PLEKHA2: variants seen among roughly 807,000 people sequenced by gnomAD.
PLEKHA2 encodes the protein pleckstrin homology domain containing A2.
Under a neutral mutation model 53.2 loss-of-function variants are expected in PLEKHA2, and 28 were observed. The observed-to-expected ratio is 0.53, with a 90% confidence interval of 0.39 to 0.72. The LOEUF (loss-of-function observed/expected upper bound fraction) is 0.72, where lower values mean the gene tolerates loss of function less well. PLEKHA2 is among the 30% of genes least tolerant of loss of function. The probability of loss-of-function intolerance (pLI) is 0.00; values close to 1 mark genes in which losing one functional copy is unlikely to be tolerated. For synonymous variants in PLEKHA2, 193 were observed against 196.4 expected (o/e 0.98, Z 0.14); for missense variants, 426 against 537.9 (o/e 0.79, Z 2.06).
intron 2 of PLEKHA2, among the ~76,000 whole-genome samples, chr8:38,928,078 A>AG (rs1564119814): frequency 6.6e-6 from 1 of 151,896 alleles, no homozygotes; most frequent in Non-Finnish European, 1.5e-5. Context: ...TAGAAAGTGG[A>AG]GGGGAAATGA....
chr8:38,935,430 C>CTT (rs879723172), intron 2 of PLEKHA2, among the ~76,000 whole-genome samples: 21 of 141,748 alleles, frequency 1.5e-4, no homozygotes, highest in Middle Eastern at 3.6e-3. Flanking sequence ...GGAGCTTACA[C>CTT]TTTTTTTTTT....
In PLEKHA2 at chr8:38,917,977, C is replaced by T. The variant is rs747475749; in HGVS notation, c.48C>T (p.Ile16=). Residue 16 remains isoleucine, a synonymous_variant, in exon 2 of 12, where the codon ATC becomes ATT. Transcript: ENST00000617275. ...ACCGAATCTGTGGGTTTCTGGACAT[C>T]GAGGAGCATGAGAACAGCGGCAAGT... ...RQNRICGFLD[I]EEHENSGKFL... is the part of the protein sequence containing the mutation. The T allele has an allele frequency of 2.5e-6, 4 of 1,613,474 alleles. No individual in the cohort carries two copies. Among genetic ancestry groups the T allele is most frequent in the African/African-American group, 2.7e-5 (2 of 74,826 alleles).
intron 11 of PLEKHA2, chr8:38,968,902 T>C (rs1221343436): frequency 7.7e-6 from 3 of 387,534 alleles, no homozygotes; most frequent in Non-Finnish European, 1.4e-5. Context: ...GAATTTCTTT[T>C]TTTTTTTTTT....
chr8:38,921,089 C>A (rs994912467), intron 2 of PLEKHA2, among the ~76,000 whole-genome samples: 8 of 152,238 alleles, frequency 5.3e-5, no homozygotes, highest in Non-Finnish European at 1.2e-4. Context: ...GCATGAGCCA[C>A]TGCGACTGGC....
chr8:38,940,445 G>A (rs1588257864), intron 3 of PLEKHA2, among the ~76,000 whole-genome samples: 1 of 152,088 alleles, frequency 6.6e-6, no homozygotes, highest in Non-Finnish European at 1.5e-5. Flanking sequence ...TGAGATTGGT[G>A]GGTTCTGAGG....
intron 10 of PLEKHA2, among the ~76,000 whole-genome samples, chr8:38,962,744 G>A (rs919918227): frequency 1.3e-5 from 2 of 152,226 alleles, no homozygotes; most frequent in African/African-American, 4.8e-5. Context: ...ACTGGTCTTA[G>A]CTTGGCATAA....
intron 5 of PLEKHA2, 151 bp from the exon 6 acceptor site, chr8:38,950,699 G>T (rs34794075): frequency 1.1e-6 from 1 of 889,902 alleles, no homozygotes; most frequent in Non-Finnish European, 1.7e-6. Flanking sequence ...CTCATATTCA[G>T]ATTTGGACTG....
At position 38,936,008 on chromosome 8, in the gene PLEKHA2, G is replaced by A; in HGVS notation, c.156G>A (p.Gly52=). Residue 52 remains glycine, a synonymous_variant, in exon 3 of 12, where the codon GGG becomes GGA. Coordinates refer to ENST00000617275, the MANE Select transcript of PLEKHA2 (RefSeq NM_021623.2). ...GTGTCTTTCAGAATCTGGCAATGGG[G>A]GCAGGAGCTGTTGGAGCTTTGCAGC... ...YMDNPQNLAM[G]AGAVGALQLT... 1 of 1,613,608 alleles carries A rather than the reference G, an allele frequency of 6.2e-7. No homozygotes were observed. Among genetic ancestry groups the A allele is most frequent in the Non-Finnish European group, 8.5e-7 (1 of 1,179,600 alleles).
At chr8:38,946,095 TCTTC>T in intron 4 of PLEKHA2, 25 bp from the exon 5 acceptor site, 17 of 1,547,338 alleles carry the variant, frequency 1.1e-5, no homozygotes, top group Non-Finnish European at 1.5e-5. Context: ...CCTAGGAATG[TCTTC>T]CCTTCTTTTC....
chr8:38,935,979 C>CTATG lies in PLEKHA2; in HGVS notation c.142-13_142-10dup, dbSNP rs375172533. ...TTCCACAGCCTTCTTAAAATGAAAA[C>CTATG]TATGTGTCTTTCAGAATCTGGCAAT... is the stretch of plus-strand genomic sequence containing the variant. On this transcript the variant is annotated splice_polypyrimidine_tract_variant and intron_variant, in intron 2 of 11. Coordinates refer to ENST00000617275, the MANE Select transcript of PLEKHA2 (RefSeq NM_021623.2). The CTATG allele has an allele frequency of 5.5e-5, 89 of 1,612,776 alleles. No homozygotes were observed. The African/African-American group carries it at 1.1e-3, about 20-fold the overall frequency.
chr8:38,968,707 G>A (rs750809362), intron 11 of PLEKHA2, 38 bp downstream of exon 11: 2 of 1,604,026 alleles, frequency 1.2e-6, no homozygotes, highest in African/African-American at 2.7e-5. Flanking sequence ...TGTCAACTCA[G>A]AGATGAATTC....
intron 2 of PLEKHA2, among the ~76,000 whole-genome samples, chr8:38,931,950 G>C (rs931015932): frequency 3.9e-5 from 6 of 152,142 alleles, no homozygotes; most frequent in Admixed American, 2.6e-4. Flanking sequence ...GTGTTCTGGT[G>C]GGGGGAAGCT....
chr8:38,918,641 C>T (rs369136010), intron 2 of PLEKHA2, among the ~76,000 whole-genome samples: 6 of 97,120 alleles, frequency 6.2e-5, no homozygotes, highest in South Asian at 3.6e-4. Context: ...CACACAGAGA[C>T]ACACATACAC....
At chr8:38,923,531 T>G (rs565978707) in intron 2 of PLEKHA2, among the ~76,000 whole-genome samples, 56 of 152,344 alleles carry the variant, frequency 3.7e-4, no homozygotes, top group Middle Eastern at 3.4e-3. Context: ...ACGTGCCTTT[T>G]ATCCTTTCAT....
chr8:38,937,313 C>T (rs116087936), intron 3 of PLEKHA2, among the ~76,000 whole-genome samples: 4 of 152,170 alleles, frequency 2.6e-5, no homozygotes, highest in Non-Finnish European at 4.4e-5. Flanking sequence ...GCTGCCTCCC[C>T]GGGCCAGAGC....
chr8:38,965,020 G>T (rs1023289164), intron 10 of PLEKHA2, among the ~76,000 whole-genome samples: 1 of 151,698 alleles, frequency 6.6e-6, no homozygotes, highest in African/African-American at 2.4e-5. Flanking sequence ...GTATCCAGCC[G>T]ATTTTAATTT....
Position 38,952,273 on chromosome 8 carries a change from C to T in PLEKHA2, c.594C>T (p.Pro198=). 1.2e-6 allele frequency: 2 copies of T among 1,612,794 alleles called. No individual in the cohort carries two copies. Among genetic ancestry groups the T allele is most frequent in the Non-Finnish European group, 1.7e-6 (2 of 1,179,528 alleles). Residue 198 remains proline (P), a synonymous_variant, in exon 7 of 12, where the codon CCC becomes CCT. Coordinates refer to ENST00000617275, the MANE Select transcript of PLEKHA2 (RefSeq NM_021623.2). The part of the protein sequence containing the change: ...TSGCRASTGP[P]LIKSGYCVKQ... ...GCTGCCGTGCTTCCACTGGGCCTCC[C>T]CTCATTAAGAGTGGTTACTGCGTGA...
At chr8:38,905,445 G>A (rs1313954726) in intron 1 of PLEKHA2, among the ~76,000 whole-genome samples, 6 of 135,558 alleles carry the variant, frequency 4.4e-5, no homozygotes, top group African/African-American at 1.7e-4. Flanking sequence ...GCACCAGAGC[G>A]AGACCCTGCC....
At position 38,922,552 on chromosome 8, in the gene PLEKHA2, A is replaced by G. The variant is rs2152370290; in HGVS notation, c.141+4482A>G. On this transcript the variant is annotated intron_variant, in intron 2 of 11. Transcript: ENST00000617275. The surrounding 1 kb of genome is among the most constrained non-coding windows in gnomAD (Gnocchi z 4.0). ...TGAGAACTGTGTGTGGTCGTTGAACATCTTTATTTGATAGGGACAAGGAGA... is the reference window on the plus strand; with the variant it reads ...TGAGAACTGTGTGTGGTCGTTGAACGTCTTTATTTGATAGGGACAAGGAGA... Among the ~76,000 whole-genome samples the G allele has an allele frequency of 6.6e-6, 1 of 152,314 alleles. No individual in the cohort carries two copies. Among genetic ancestry groups the G allele is most frequent in the Admixed American group, 6.5e-5 (1 of 15,306 alleles).
Sources: gnomAD v4.1 joint callset for allele counts (sites outside exome capture counted in the v4.1 genomes callset) on GRCh38, gnomAD v4.1.1 for gene constraint, Gnocchi (gnomAD v3.1) non-coding constraint, MANE v1.5 for transcripts, NCBI Gene and HGNC (gene_info 2026-07-23, HGNC 2026-07-21) for gene names.